Variants in PPL observed in about 807,000 individuals in gnomAD.
PPL encodes the protein 190 kDa paraneoplastic pemphigus antigen.
Under a neutral mutation model 194.4 loss-of-function variants are expected in PPL, and 198 were observed. The observed-to-expected ratio is 1.02, with a 90% CI of 0.91 to 1.15. The LOEUF is 1.15. PPL is among the 50% of genes most tolerant of loss of function. The probability of loss-of-function intolerance (pLI) is 0.00; values close to 1 mark genes in which losing one functional copy is unlikely to be tolerated. For synonymous variants in PPL, 1,220 were observed against 972.4 expected, an observed-to-expected ratio of 1.25 and a Z score of -4.74; for missense variants, 2,885 against 2,294.8, an observed-to-expected ratio of 1.26 and a Z score of -5.25.
At position 4,937,025 on chromosome 16, in the gene PPL, C is replaced by T; in HGVS notation, c.21G>A (p.Lys7=). The T allele has an allele frequency of 1.3e-6, 2 of 1,522,080 alleles. No individual in the cohort carries two copies. Among genetic ancestry groups the T allele is most frequent in the Non-Finnish European group, 1.8e-6 (2 of 1,132,018 alleles). 94.3% of individuals were successfully genotyped at this position (1,522,080 alleles called of 1,614,324 possible). A position where few individuals can be genotyped will look rare whatever the true frequency, so the allele number is the denominator to read the frequency against. The stretch of plus-strand genomic sequence containing the variant: ...TGGGGCTGTATTTGCCTTTGTTTCT[C>T]TTCCTGAAGAGCGAGTTCATGGTGG... MNSLFR[K]RNKGKYSPTV... is the part of the protein sequence containing the mutation. Residue 7 remains lysine, a synonymous_variant, in exon 1 of 22, where the codon AAG becomes AAA. Transcript: ENST00000345988.
At chr16:4,886,664 G>C (rs949836531) in intron 21 of PPL, among the ~76,000 whole-genome samples, 3 of 152,168 alleles carry the variant, frequency 2.0e-5, no homozygotes, top group Non-Finnish European at 2.9e-5. Context: ...TGTTGCCCAG[G>C]CTGGAGTGCA....
At chr16:4,912,028 CAAAACGCACCATATTTGA>C (rs1482827677) in intron 1 of PPL, among the ~76,000 whole-genome samples, 1 of 152,214 alleles carries the variant, frequency 6.6e-6, no homozygotes, top group Non-Finnish European at 1.5e-5. Flanking sequence ...GCCATGTTGG[CAAAACGCACCATATTTGA>C]AAAATTGGGA....
At chr16:4,888,856 G>A (rs2088260874) in intron 19 of PPL, 122 bp downstream of exon 19, 2 of 931,724 alleles carry the variant, frequency 2.1e-6, no homozygotes, top group South Asian at 1.4e-5. Context: ...GCAGCCGGCA[G>A]TGCCTCGGAT....
In PPL at chr16:4,887,175, CTCTG is replaced by C; in HGVS notation, c.2563_2566del (p.Gln855GlyfsTer9). Reference sequence around the variant, plus strand: ...CAGAGCAAACTCCAGATTCTGCAGCCTCTGTCTGTTGATGGCATAAACTTCAGTG... The same window carrying C: ...CAGAGCAAACTCCAGATTCTGCAGCCTCTGTTGATGGCATAAACTTCAGTG... On this transcript the variant is annotated frameshift_variant, in exon 21 of 22. Transcript: ENST00000345988. LOFTEE classifies it high-confidence loss of function. 2 of 1,614,184 alleles carry C rather than the reference CTCTG, an allele frequency of 1.2e-6. No homozygotes were observed. The highest frequency in any genetic ancestry group is 8.5e-7 in the Non-Finnish European group (1 of 1,179,994).
At chr16:4,917,706 G>GC (rs1370552257) in intron 1 of PPL, among the ~76,000 whole-genome samples, 2 of 152,054 alleles carry the variant, frequency 1.3e-5, no homozygotes, top group African/African-American at 4.8e-5. Context: ...TTTGAGAGCA[G>GC]CCCGGGCAAC....
Position 4,883,987 on chromosome 16 carries a change from C to T in PPL, c.4668G>A (p.Lys1556=). The T allele has an allele frequency of 1.9e-6, 3 of 1,614,094 alleles. No individual in the cohort carries two copies. Among genetic ancestry groups the T allele is most frequent in the Non-Finnish European group, 2.5e-6 (3 of 1,180,034 alleles). The stretch of plus-strand genomic sequence containing the variant: ...TCTCTTCCCTCAGAAAGTCTAGTTC[C>T]TTGGATGACTTGGAGTTATGGAATT... ...ELEFHNSKSS[K]ELDFLREENH... Residue 1556 remains lysine (K), a synonymous_variant, in exon 22 of 22, where the codon AAG becomes AAA. Transcript: ENST00000345988. The surrounding 1 kb of genome is among the most constrained non-coding windows in gnomAD (Gnocchi z 4.8).
At chr16:4,893,485 C>G in intron 13 of PPL, 56 bp downstream of exon 13, 2 of 1,600,928 alleles carry the variant, frequency 1.2e-6, no homozygotes, top group South Asian at 2.2e-5. Flanking sequence ...AGACCCTGGT[C>G]CAGCCCCTCC....
intron 1 of PPL, among the ~76,000 whole-genome samples, chr16:4,931,637 G>C (rs879708830): frequency 6.6e-6 from 1 of 152,230 alleles, no homozygotes; most frequent in African/African-American, 2.4e-5. Context: ...CGGGAGCAGA[G>C]AGCAGCTGCA....
At position 4,902,661 on chromosome 16, in the gene PPL, C is replaced by T; in HGVS notation, c.318-135G>A. On this transcript the variant is annotated intron_variant, in intron 3 of 21. Transcript: ENST00000345988. The surrounding 1 kb of genome is among the most constrained non-coding windows in gnomAD (Gnocchi z 4.0). ...CATATGGCCTTGGGTTCCAGACAAT[C>T]ACAGCATCCTCTCACCCCTCCTCCC... The T allele has an allele frequency of 1.0e-6, 1 of 962,206 alleles. No individual in the cohort carries two copies. The highest frequency in any genetic ancestry group is 1.5e-6 in the Non-Finnish European group (1 of 670,824). 59.6% of individuals were successfully genotyped at this position (962,206 alleles called of 1,614,324 possible). A position where few individuals can be genotyped will look rare whatever the true frequency, so the allele number is the denominator to read the frequency against.
intron 1 of PPL, among the ~76,000 whole-genome samples, chr16:4,913,879 G>T (rs571716149): frequency 6.6e-6 from 1 of 152,138 alleles, no homozygotes; most frequent in African/African-American, 2.4e-5. Context: ...TGCTGTGTGC[G>T]GGCCCTGCAC....
Position 4,892,192 on chromosome 16 carries a change from G to A in PPL, c.1672C>T (p.Arg558Trp), listed in dbSNP as rs1258840943. The A allele has an allele frequency of 8.7e-6, 14 of 1,612,678 alleles. No homozygotes were observed. Among genetic ancestry groups the A allele is most frequent in the African/African-American group, 5.3e-5 (4 of 74,928 alleles). ...DLKNITNELLRIEPEKTRSTA... is the reference protein window; with the variant it reads ...DLKNITNELLWIEPEKTRSTA... ...CTCCGCGTCTTCTCAGGTTCAATCC[G>A]CAGTAGCTCGTTGGTGATGTTCTGT... The change falls in exon 15 of 22, where the codon CGG becomes TGG. Residue 558 changes from arginine (R) to tryptophan (W), a missense_variant. Coordinates refer to ENST00000345988, the MANE Select transcript of PPL (RefSeq NM_002705.5).
chr16:4,896,335 T>TG (rs2088426913), intron 9 of PPL, among the ~76,000 whole-genome samples: 1 of 152,152 alleles, frequency 6.6e-6, no homozygotes, highest in Admixed American at 6.5e-5. Context: ...AACAGACAAG[T>TG]GTCCAGCCAC....
chr16:4,933,682 A>C (rs1378727383), intron 1 of PPL, among the ~76,000 whole-genome samples: 2 of 152,178 alleles, frequency 1.3e-5, no homozygotes, highest in Non-Finnish European at 2.9e-5. Flanking sequence ...TCCGACGCTC[A>C]TGTAACCATA....
At chr16:4,916,800 C>T (rs987713230) in intron 1 of PPL, among the ~76,000 whole-genome samples, 6 of 152,114 alleles carry the variant, frequency 3.9e-5, no homozygotes, top group African/African-American at 1.2e-4. Flanking sequence ...CCACTGCACC[C>T]AGCCCACCCC....
At chr16:4,906,446 C>G (rs988865901) in intron 2 of PPL, among the ~76,000 whole-genome samples, 8 of 152,078 alleles carry the variant, frequency 5.3e-5, no homozygotes, top group Admixed American at 5.2e-4. Context: ...AGGATGGTCT[C>G]GATCTCCTGA....
At chr16:4,919,539 C>T (rs890064174) in intron 1 of PPL, among the ~76,000 whole-genome samples, 1 of 152,116 alleles carries the variant, frequency 6.6e-6, no homozygotes, top group African/African-American at 2.4e-5. Flanking sequence ...GCTAGGATTA[C>T]AGGTATGAGC....
At chr16:4,917,153 C>CAAAAACAA (rs1168965687) in intron 1 of PPL, among the ~76,000 whole-genome samples, 3 of 151,712 alleles carry the variant, frequency 2.0e-5, no homozygotes, top group African/African-American at 4.8e-5. Flanking sequence ...AACAAAAAAA[C>CAAAAACAA]AAAAACAAAA....
intron 18 of PPL, among the ~76,000 whole-genome samples, 153 bp downstream of exon 18, chr16:4,890,031 G>T (rs954949341): frequency 6.6e-6 from 1 of 152,234 alleles, no homozygotes; most frequent in Non-Finnish European, 1.5e-5. Flanking sequence ...GTTGGGTGTT[G>T]GGAGCTTGAG....
intron 19 of PPL, among the ~76,000 whole-genome samples, 161 bp from the exon 20 acceptor site, chr16:4,888,379 CAGG>C (rs1420333496): frequency 6.6e-6 from 1 of 152,222 alleles, no homozygotes. Flanking sequence ...CAGTGATTTC[CAGG>C]AGGTTTTGAG....
Sources: gnomAD v4.1 joint callset for allele counts (sites outside exome capture counted in the v4.1 genomes callset) on GRCh38, gnomAD v4.1.1 for gene constraint, Gnocchi (gnomAD v3.1) non-coding constraint, MANE v1.5 for transcripts, NCBI Gene and HGNC (gene_info 2026-07-23, HGNC 2026-07-21) for gene names.